CREB3L2: variants seen among roughly 807,000 people sequenced by gnomAD.
CREB3L2 encodes the protein cyclic AMP-responsive element-binding protein 3-like protein 2.
A neutral mutation model predicts 57.2 loss-of-function variants in CREB3L2; 23 were observed. The ratio of observed to expected loss-of-function variants is 0.40; its 90% CI spans 0.29 to 0.57. CREB3L2 has a LOEUF of 0.57. Ranked by LOEUF, CREB3L2 falls within the 20% of genes least tolerant of loss-of-function variation. The probability of loss-of-function intolerance (pLI) is 0.42; values close to 1 mark genes in which losing one functional copy is unlikely to be tolerated. For synonymous variants in CREB3L2, 268 were observed against 265.1 expected, an observed-to-expected ratio of 1.01 and a Z score of -0.11; for missense variants, 628 against 634.7, an observed-to-expected ratio of 0.99 and a Z score of 0.11.
chr7:137,931,941 C>T (rs1800653367), intron 1 of CREB3L2, among the ~76,000 whole-genome samples: 1 of 152,124 alleles, frequency 6.6e-6, no homozygotes, highest in Non-Finnish European at 1.5e-5. Context: ...TTCTTTTTCT[C>T]AAGAAATAAA....
rs375868829 is a variant in CREB3L2, at chr7:137,922,405, T to C, written c.319+5745A>G. ...ATATGTATATATATATATATATATA[T>C]ATATATATATGTATATATATATATA... On this transcript the variant is annotated intron_variant, in intron 2 of 11. Coordinates refer to ENST00000330387, the MANE Select transcript of CREB3L2 (RefSeq NM_194071.4). Among the ~76,000 whole-genome samples the C allele has an allele frequency of 1.0e-2, 191 of 19,190 alleles. 5 individuals carry two copies. Among genetic ancestry groups the C allele is most frequent in the South Asian group, 0.04 (24 of 602 alleles). The allele number at this position is 19,190 out of a possible 152,430, so 12.6% of individuals were successfully genotyped here.
intron 1 of CREB3L2, among the ~76,000 whole-genome samples, chr7:137,987,800 C>T (rs531130696): frequency 6.6e-6 from 1 of 152,312 alleles, no homozygotes; most frequent in African/African-American, 2.4e-5. Flanking sequence ...CCTCCCACCC[C>T]GGCCTCCTGC....
At chr7:137,900,490 C>T (rs1799728650) in intron 8 of CREB3L2, among the ~76,000 whole-genome samples, 1 of 152,056 alleles carries the variant, frequency 6.6e-6, no homozygotes, top group African/African-American at 2.4e-5. Flanking sequence ...TTTTAAAAAA[C>T]TAATTTAAAA....
chr7:137,976,327 T>G (rs59331654), intron 1 of CREB3L2, among the ~76,000 whole-genome samples: 2 of 152,350 alleles, frequency 1.3e-5, no homozygotes, highest in Admixed American at 6.5e-5. Context: ...ACTCAAGCCT[T>G]GGGTGGCATC....
intron 1 of CREB3L2, among the ~76,000 whole-genome samples, chr7:137,982,328 A>G (rs1048289231): frequency 1.3e-5 from 2 of 152,092 alleles, no homozygotes; most frequent in African/African-American, 4.8e-5. Flanking sequence ...TGCTCTGGTC[A>G]CCGCCATGAG....
At chr7:137,986,952 G>C (rs956306432) in intron 1 of CREB3L2, among the ~76,000 whole-genome samples, 8 of 152,220 alleles carry the variant, frequency 5.3e-5, no homozygotes, top group African/African-American at 9.6e-5. Flanking sequence ...CGACCCCACT[G>C]CACCATGCAG....
In CREB3L2 at chr7:137,915,875, A is replaced by G; in HGVS notation, c.457T>C (p.Leu153=). 1 of 1,614,070 alleles carries G rather than the reference A, an allele frequency of 6.2e-7. No individual in the cohort carries two copies. The highest frequency in any genetic ancestry group is 8.5e-7 in the Non-Finnish European group (1 of 1,179,988). ...TLTITAISTP[L]EKEEPPLEMN... is the part of the protein sequence containing the mutation. The stretch of plus-strand genomic sequence containing the variant: ...TCCAGAGGAGGTTCCTCCTTTTCCA[A>G]CGGGGTGGAGATGGCTGTGATGGTC... The change falls in exon 3 of 12, where the codon TTG becomes CTG. Residue 153 remains leucine (L), a synonymous_variant. Coordinates refer to ENST00000330387, the MANE Select transcript of CREB3L2 (RefSeq NM_194071.4).
intron 1 of CREB3L2, among the ~76,000 whole-genome samples, chr7:137,948,362 C>G (rs1419875574): frequency 6.6e-6 from 1 of 152,176 alleles, no homozygotes; most frequent in African/African-American, 2.4e-5. Flanking sequence ...TCAACTAGTG[C>G]CTAAGCTTCA....
chr7:137,996,246 G>C (rs751849105), intron 1 of CREB3L2, among the ~76,000 whole-genome samples: 13 of 152,224 alleles, frequency 8.5e-5, no homozygotes, highest in Non-Finnish European at 1.9e-4. Context: ...TCTAGTGAAA[G>C]CTTATCAAAT....
rs1199740982 is a variant in CREB3L2 at position 137,968,140 on chromosome 7, A to G, written c.102+33464T>C. 2.7e-5 allele frequency among the ~76,000 whole-genome samples: 4 copies of G among 149,976 alleles called. No individual in the cohort carries two copies. In the East Asian group the frequency reaches 7.8e-4, roughly 29 times the overall value. On this transcript the variant is annotated intron_variant, in intron 1 of 11. Transcript: ENST00000330387. ...TACAACACAGCGTCGTTTCTACCCC[A>G]TTTTGGCACACCCCATCCCTTCCTT...
At position 137,903,836 on chromosome 7, in the gene CREB3L2, A is replaced by G. The variant is rs528336874; in HGVS notation, c.974+123T>C. 258 of 809,400 alleles carry G rather than the reference A, an allele frequency of 3.2e-4. No homozygotes were observed. In the African/African-American group the frequency reaches 4.0e-3, roughly 13 times the overall value. The allele number at this position is 809,400 out of a possible 1,614,324, so 50.1% of individuals were successfully genotyped here. A position where few individuals can be genotyped will look rare whatever the true frequency, so the allele number is the denominator to read the frequency against. On this transcript the variant is annotated intron_variant, in intron 7 of 11. Transcript: ENST00000330387. ...AGGTGGCAGGCAAACCACAGCTGAT[A>G]AACCACCGGGTTTCCAAGGTGGCCA...
chr7:137,999,166 TGCTGA>T (rs766847309), intron 1 of CREB3L2, among the ~76,000 whole-genome samples: 5 of 152,204 alleles, frequency 3.3e-5, no homozygotes, highest in Non-Finnish European at 7.3e-5. Flanking sequence ...TTCTTCATCC[TGCTGA>T]GCTAACACTC....
At chr7:137,942,717 A>C (rs543197968) in intron 1 of CREB3L2, among the ~76,000 whole-genome samples, 8 of 152,340 alleles carry the variant, frequency 5.3e-5, no homozygotes, top group African/African-American at 1.9e-4. Context: ...TGCAATCACC[A>C]TATGTTAAAA....
At position 137,875,392 on chromosome 7, in the gene CREB3L2, C is replaced by G. The variant is rs1208008102; in HGVS notation, c.*5084G>C. 1 of 220,360 alleles carries G rather than the reference C, an allele frequency of 4.5e-6. No individual in the cohort carries two copies. Among genetic ancestry groups the G allele is most frequent in the Non-Finnish European group, 9.1e-6 (1 of 110,100 alleles). 13.7% of individuals were successfully genotyped at this position (220,360 alleles called of 1,614,324 possible). A position where few individuals can be genotyped will look rare whatever the true frequency, so the allele number is the denominator to read the frequency against. On this transcript the variant is annotated 3_prime_UTR_variant, in exon 12 of 12. Transcript: ENST00000330387. ...AAGGTGATTTTCTAAGTAGTGTAAG[C>G]CATGGGTACATGGTGCAAAAAGTTC...
intron 5 of CREB3L2, 130 bp downstream of exon 5, chr7:137,908,122 G>A (rs1471827603): frequency 3.4e-6 from 2 of 581,936 alleles, no homozygotes; most frequent in Admixed American, 4.4e-5. Context: ...CTCTGCTTTC[G>A]CCATTAAGCA....
At chr7:137,945,414 C>T (rs542211414) in intron 1 of CREB3L2, among the ~76,000 whole-genome samples, 4 of 152,122 alleles carry the variant, frequency 2.6e-5, no homozygotes, top group Non-Finnish European at 2.9e-5. Context: ...AACTGAATTG[C>T]GTGAGACCTG....
At chr7:137,932,563 T>C (rs1270982537) in intron 1 of CREB3L2, among the ~76,000 whole-genome samples, 2 of 151,856 alleles carry the variant, frequency 1.3e-5, no homozygotes, top group Non-Finnish European at 2.9e-5. Flanking sequence ...CAAGACCCCA[T>C]CTCTACAAAA....
intron 1 of CREB3L2, among the ~76,000 whole-genome samples, chr7:137,960,700 G>C (rs1174964053): frequency 6.7e-6 from 1 of 150,332 alleles, no homozygotes; most frequent in African/African-American, 2.4e-5. Context: ...ATTTTGAACA[G>C]TTTTGCCATA....
intron 2 of CREB3L2, among the ~76,000 whole-genome samples, chr7:137,917,394 G>T (rs1205251794): frequency 6.6e-6 from 1 of 152,182 alleles, no homozygotes; most frequent in Admixed American, 6.5e-5. Flanking sequence ...CAAGCCAAAG[G>T]CAACGTTCCT....
Sources: gnomAD v4.1 joint callset for allele counts (sites outside exome capture counted in the v4.1 genomes callset) on GRCh38, gnomAD v4.1.1 for gene constraint, MANE v1.5 for transcripts, NCBI Gene and HGNC (gene_info 2026-07-23, HGNC 2026-07-21) for gene names.